LRCH1: variants seen among roughly 807,000 people sequenced by gnomAD.
LRCH1 encodes the protein leucine-rich repeat and calponin homology domain-containing protein 1.
A neutral mutation model predicts 94.9 loss-of-function variants in LRCH1; 23 were observed. That is an observed-to-expected ratio of 0.24 (90% CI 0.17 to 0.34). The LOEUF is 0.34. LRCH1 is among the 10% of genes least tolerant of loss of function. The probability of loss-of-function intolerance (pLI) is 1.00; values close to 1 mark genes in which losing one functional copy is unlikely to be tolerated. For missense variants in LRCH1, 790 were observed against 945.9 expected, an observed-to-expected ratio of 0.84 and a Z score of 2.16; for synonymous variants, 364 against 354.9, an observed-to-expected ratio of 1.03 and a Z score of -0.29.
At chr13:46,660,593 A>G (rs548810496) in intron 2 of LRCH1, among the ~76,000 whole-genome samples, 26 of 152,118 alleles carry the variant, frequency 1.7e-4, no homozygotes, top group African/African-American at 5.3e-4. Context: ...AAAATAATCG[A>G]CTTCTTTTCA....
chr13:46,707,428 T>G (rs1871822174), intron 13 of LRCH1, among the ~76,000 whole-genome samples: 1 of 152,212 alleles, frequency 6.6e-6, no homozygotes. Flanking sequence ...TGATGTTAAT[T>G]TATCACCCAA....
intron 1 of LRCH1, among the ~76,000 whole-genome samples, chr13:46,611,742 A>T (rs1161799852): frequency 6.6e-6 from 1 of 152,212 alleles, no homozygotes; most frequent in African/African-American, 2.4e-5. Context: ...TTATTTGTTG[A>T]GATGATAATA....
chr13:46,575,159 C>T (rs7319413), intron 1 of LRCH1, among the ~76,000 whole-genome samples: 269 of 152,230 alleles, frequency 1.8e-3, no homozygotes, highest in Middle Eastern at 0.017. Context: ...TCTACATTGT[C>T]AATGACTCTG....
intron 1 of LRCH1, among the ~76,000 whole-genome samples, chr13:46,637,882 G>A (rs149110024): frequency 6.6e-5 from 10 of 152,138 alleles, no homozygotes; most frequent in Admixed American, 1.3e-4. Context: ...TATTTCTGGC[G>A]CATAGTAGGT....
intron 1 of LRCH1, among the ~76,000 whole-genome samples, chr13:46,571,012 G>A (rs367746725): frequency 1.1e-4 from 16 of 152,284 alleles, no homozygotes; most frequent in Admixed American, 7.8e-4. Context: ...AAAAGGTAAC[G>A]GCCAGTTGCC....
rs562638520 is a variant in LRCH1 at position 46,702,228 on chromosome 13, G to A, written c.1400+1021G>A. Among the ~76,000 whole-genome samples the A allele has an allele frequency of 3.0e-4, 45 of 152,186 alleles. No homozygotes were observed. In the South Asian group the frequency reaches 4.8e-3, roughly 16 times the overall value. On this transcript the variant is annotated intron_variant, in intron 11 of 19. Coordinates refer to ENST00000389797, the MANE Select transcript of LRCH1 (RefSeq NM_001164211.2). ...AGTTATAAGTGTAACTGGGCCAGGC[G>A]CGGTGGCTCACACCTGTGATCCCAG...
chr13:46,617,917 G>T (rs1056538278), intron 1 of LRCH1, among the ~76,000 whole-genome samples: 3 of 152,042 alleles, frequency 2.0e-5, no homozygotes, highest in Admixed American at 2.0e-4. Context: ...TGAGCACTAG[G>T]TATTACTAGA....
chr13:46,626,057 T>C (rs951304604), intron 1 of LRCH1, among the ~76,000 whole-genome samples: 1 of 152,214 alleles, frequency 6.6e-6, no homozygotes, highest in Non-Finnish European at 1.5e-5. Flanking sequence ...ATGTAAGGAG[T>C]TGTGGCGTGA....
chr13:46,690,825 T>G (rs1870857735), intron 7 of LRCH1, among the ~76,000 whole-genome samples: 1 of 152,232 alleles, frequency 6.6e-6, no homozygotes, highest in Non-Finnish European at 1.5e-5. Flanking sequence ...CTATTTTCAC[T>G]TGGTTTGGCA....
downstream of LRCH1, among the ~76,000 whole-genome samples, chr13:46,749,341 T>C (rs1170670987): frequency 1.3e-5 from 2 of 152,100 alleles, no homozygotes; most frequent in Non-Finnish European, 2.9e-5. Context: ...AAACGTTGAA[T>C]TCACAAAAGC....
At chr13:46,668,928 T>C in intron 2 of LRCH1, 102 bp from the exon 3 acceptor site, 1 of 1,235,468 alleles carries the variant, frequency 8.1e-7, no homozygotes. Flanking sequence ...GTAAAATGTC[T>C]TCTCAGATCA....
At chr13:46,660,052 G>C (rs2051425678) in intron 2 of LRCH1, among the ~76,000 whole-genome samples, 1 of 11,106 alleles carries the variant, frequency 9.0e-5, no homozygotes, top group African/African-American at 2.1e-4. Context: ...TTTTTTTTGA[G>C]ACAGGCTGGA....
rs1367858638 is a variant in LRCH1 at position 46,742,921 on chromosome 13, T to G, written c.*1073T>G. On this transcript the variant is annotated 3_prime_UTR_variant, in exon 20 of 20. Coordinates refer to ENST00000389797, the MANE Select transcript of LRCH1 (RefSeq NM_001164211.2). ...CACTGATATTAACTAGCAAACTGCT[T>G]TAAGTCAGCTCAAAGGATTATATAG... The G allele has an allele frequency of 2.0e-6, 2 of 985,216 alleles. No homozygotes were observed. The highest frequency in any genetic ancestry group is 2.4e-6 in the Non-Finnish European group (2 of 829,846). 61.0% of individuals were successfully genotyped at this position (985,216 alleles called of 1,614,324 possible).
chr13:46,705,315 TGGTAGATTCACCAGAAC>T lies in LRCH1; in HGVS notation c.1527+12_1527+28del. The T allele has an allele frequency of 6.2e-7, 1 of 1,613,058 alleles. No homozygotes were observed. Among genetic ancestry groups the T allele is most frequent in the Non-Finnish European group, 8.5e-7 (1 of 1,179,020 alleles). On this transcript the variant is annotated intron_variant, in intron 13 of 19. Transcript: ENST00000389797. Reference sequence around the variant, plus strand: ...TCTCCGGTGTGTGAGGTAAGGCTGCTGGTAGATTCACCAGAACTCTGTGCAATATTTTGCCATGGAAT... The same window carrying T: ...TCTCCGGTGTGTGAGGTAAGGCTGCTTCTGTGCAATATTTTGCCATGGAAT...
downstream of LRCH1, among the ~76,000 whole-genome samples, chr13:46,746,370 C>T (rs1459323793): frequency 6.6e-6 from 1 of 152,126 alleles, no homozygotes; most frequent in Non-Finnish European, 1.5e-5. Flanking sequence ...TTTCCAATGT[C>T]GTTTGCTGTG....
intron 4 of LRCH1, among the ~76,000 whole-genome samples, chr13:46,683,715 GTC>G (rs1355340210): frequency 2.0e-5 from 3 of 152,188 alleles, no homozygotes; most frequent in South Asian, 2.1e-4. Context: ...CTAGATTTTT[GTC>G]TCTCTCTGGT....
chr13:46,712,903 C>T (rs973743257), intron 15 of LRCH1, among the ~76,000 whole-genome samples: 1 of 152,030 alleles, frequency 6.6e-6, no homozygotes, highest in Admixed American at 6.6e-5. Context: ...GATAAAATAG[C>T]TTTGGCCCCA....
At chr13:46,697,424 G>T (rs547124568) in intron 9 of LRCH1, among the ~76,000 whole-genome samples, 35 of 152,238 alleles carry the variant, frequency 2.3e-4, no homozygotes, top group African/African-American at 8.2e-4. Context: ...TGTAACTCAT[G>T]CCCGAAGGAA....
intron 1 of LRCH1, among the ~76,000 whole-genome samples, chr13:46,590,097 G>A (rs2050482634): frequency 6.6e-6 from 1 of 152,104 alleles, no homozygotes; most frequent in African/African-American, 2.4e-5. Context: ...TTGGGAAGAT[G>A]AGGTAGAGGA....
Sources: gnomAD v4.1 joint callset for allele counts (sites outside exome capture counted in the v4.1 genomes callset) on GRCh38, gnomAD v4.1.1 for gene constraint, MANE v1.5 for transcripts, NCBI Gene and HGNC (gene_info 2026-07-23, HGNC 2026-07-21) for gene names.